Variants in MYO5C observed in about 807,000 individuals in gnomAD.
MYO5C encodes the protein unconventional myosin-Vc.
MYO5C carries 194 observed loss-of-function variants against 235.7 expected under a neutral mutation model. That is an observed-to-expected ratio of 0.82 (90% CI 0.73 to 0.93). The LOEUF is 0.93. Ranked by LOEUF, MYO5C falls within the 40% of genes least tolerant of loss-of-function variation. MYO5C has a pLI of 0.00. For synonymous variants in MYO5C, 707 were observed against 754.8 expected (o/e 0.94, Z 1.04); for missense variants, 2,038 against 2,127.2 (o/e 0.96, Z 0.82).
rs2035984761 is a variant in MYO5C at position 52,232,368 on chromosome 15, A to G, written c.3026+254T>C. On this transcript the variant is annotated intron_variant, in intron 24 of 40. Transcript: ENST00000261839. Reference sequence around the variant, plus strand: ...AGAGAAAGAAAGAAAGGAAAAGAAAAGAAAAGAAAAGAATTCCTGGTGGTC... The same window carrying G: ...AGAGAAAGAAAGAAAGGAAAAGAAAGGAAAAGAAAAGAATTCCTGGTGGTC... Among the ~76,000 whole-genome samples, 4 of 151,956 alleles carry G rather than the reference A, an allele frequency of 2.6e-5. No homozygotes were observed. The South Asian group carries it at 6.2e-4, about 24-fold the overall frequency.
chr15:52,280,695 C>G (rs1404270825), intron 2 of MYO5C, among the ~76,000 whole-genome samples: 1 of 152,222 alleles, frequency 6.6e-6, no homozygotes. Context: ...TGTGCAGACC[C>G]CATGCCAAGC....
Position 52,245,561 on chromosome 15 carries a change from G to T in MYO5C, c.2067-96C>A, listed in dbSNP as rs973923144. 2.1e-5 allele frequency: 18 copies of T among 861,754 alleles called. No homozygotes were observed. In the Admixed American group the frequency reaches 3.1e-4, roughly 15 times the overall value. 53.4% of individuals were successfully genotyped at this position (861,754 alleles called of 1,614,324 possible). On this transcript the variant is annotated intron_variant, in intron 17 of 40. Coordinates refer to ENST00000261839, the MANE Select transcript of MYO5C (RefSeq NM_018728.4). ...TTACCTGCCACTGTTGTCATAGGGC[G>T]GGGGTGGTGCAATCTGTCCTGAGGA...
chr15:52,237,211 G>A (rs775514069), intron 22 of MYO5C: 35 of 290,866 alleles, frequency 1.2e-4, no homozygotes, highest in Non-Finnish European at 2.2e-4. Flanking sequence ...CAGCCAGCCA[G>A]GGCTCTTTGG....
rs755177610 is a variant in MYO5C at position 52,272,725 on chromosome 15, TA to T, written c.607-3del. Reference sequence around the variant, plus strand: ...GGTGGTCTTGGCATTTCCAACGGCCTAAAAAAAATAAGACTCTATTGAAATA... The same window carrying T: ...GGTGGTCTTGGCATTTCCAACGGCCTAAAAAAATAAGACTCTATTGAAATA... On this transcript the variant is annotated splice_region_variant and splice_polypyrimidine_tract_variant and intron_variant, in intron 5 of 40. Coordinates refer to ENST00000261839, the MANE Select transcript of MYO5C (RefSeq NM_018728.4). 57 of 1,607,096 alleles carry T rather than the reference TA, an allele frequency of 3.5e-5. No individual in the cohort carries two copies. Among genetic ancestry groups the T allele is most frequent in the East Asian group, 2.0e-4 (9 of 44,834 alleles).
In MYO5C at chr15:52,196,514, CT is replaced by C. The variant is rs1419598294; in HGVS notation, c.4821-32del. The C allele has an allele frequency of 2.5e-6, 4 of 1,597,330 alleles. No homozygotes were observed. In the Admixed American group the frequency reaches 6.9e-5, roughly 27 times the overall value. On this transcript the variant is annotated intron_variant, in intron 38 of 40. Coordinates refer to ENST00000261839, the MANE Select transcript of MYO5C (RefSeq NM_018728.4). Reference sequence around the variant, plus strand: ...GGGAAAGGCAGAAGAACAGAGAATACTTTAGGGAAGGGTGCCAGATACTCCT... The same window carrying C: ...GGGAAAGGCAGAAGAACAGAGAATACTTAGGGAAGGGTGCCAGATACTCCT...
Position 52,295,693 on chromosome 15 carries a change from G to A in MYO5C, c.-57C>T, listed in dbSNP as rs371802093. On this transcript the variant is annotated 5_prime_UTR_variant, in exon 1 of 41. Coordinates refer to ENST00000261839, the MANE Select transcript of MYO5C (RefSeq NM_018728.4). ...GCCGAACGTGCGAGGCTCGGGGGCT[G>A]GGCCTGCGCCGCAGAGGCCGGGCGC... 80 of 1,249,598 alleles carry A rather than the reference G, an allele frequency of 6.4e-5. 1 individual carries two copies. The Admixed American group carries it at 2.9e-3, about 45-fold the overall frequency. 77.4% of individuals were successfully genotyped at this position (1,249,598 alleles called of 1,614,324 possible).
chr15:52,218,141 A>T (rs2035595196), intron 32 of MYO5C, among the ~76,000 whole-genome samples: 2 of 152,244 alleles, frequency 1.3e-5, no homozygotes, highest in Admixed American at 1.3e-4. Context: ...CCATACCCCC[A>T]GAAGAAAGCA....
intron 2 of MYO5C, among the ~76,000 whole-genome samples, chr15:52,281,725 A>G (rs1566993397): frequency 2.0e-5 from 3 of 152,216 alleles, no homozygotes; most frequent in Non-Finnish European, 4.4e-5. Flanking sequence ...ACGCCAGACC[A>G]TCTGATTCTA....
At chr15:52,275,226 C>T (rs771814182) in intron 5 of MYO5C, among the ~76,000 whole-genome samples, 59 of 152,254 alleles carry the variant, frequency 3.9e-4, no homozygotes, top group Non-Finnish European at 7.3e-4. Flanking sequence ...TAACAATCAG[C>T]TCATGAATGC....
chr15:52,193,602 C>A lies in MYO5C; in HGVS notation c.*300G>T. 1 of 319,422 alleles carries A rather than the reference C, an allele frequency of 3.1e-6. No individual in the cohort carries two copies. The highest frequency in any genetic ancestry group is 5.7e-6 in the Non-Finnish European group (1 of 174,132). The allele number at this position is 319,422 out of a possible 1,614,324, so 19.8% of individuals were successfully genotyped here. A position where few individuals can be genotyped will look rare whatever the true frequency, so the allele number is the denominator to read the frequency against. On this transcript the variant is annotated 3_prime_UTR_variant, in exon 41 of 41. Transcript: ENST00000261839. ...CTCCTGGTAGAGCCCTGCCACAAGA[C>A]AGAACAGATCAAGAGGCACGTGGAA...
At chr15:52,266,794 G>A (rs1303304392) in intron 8 of MYO5C, among the ~76,000 whole-genome samples, 1 of 152,208 alleles carries the variant, frequency 6.6e-6, no homozygotes, top group Non-Finnish European at 1.5e-5. Flanking sequence ...AGAAGTCCCT[G>A]ATGACCTCGT....
At position 52,229,309 on chromosome 15, in the gene MYO5C, G is replaced by A. The variant is rs1338295128; in HGVS notation, c.3031C>T (p.Leu1011Phe). 7 of 1,611,898 alleles carry A rather than the reference G, an allele frequency of 4.3e-6. No individual in the cohort carries two copies. The highest frequency in any genetic ancestry group is 5.1e-6 in the Non-Finnish European group (6 of 1,179,872). The change falls in exon 25 of 41, where the codon CTT becomes TTT. Residue 1011 changes from leucine (L) to phenylalanine (F), a missense_variant. Leu to Phe is a conservative substitution (Grantham distance 22). Coordinates refer to ENST00000261839, the MANE Select transcript of MYO5C (RefSeq NM_018728.4). Reference sequence around the variant, plus strand: ...GTTTTCAGTTCAAAACTTTTTTCAAGAAGCCTACGCAGCAAAAGAAGAAAA... The same window carrying A: ...GTTTTCAGTTCAAAACTTTTTTCAAAAAGCCTACGCAGCAAAAGAAGAAAA... Reference protein sequence around the residue: ...VQKEERQRMLLEKSFELKTQD... With the variant: ...VQKEERQRMLFEKSFELKTQD...
chr15:52,259,419 CA>C (rs11388485), intron 10 of MYO5C, among the ~76,000 whole-genome samples: 10 of 127,402 alleles, frequency 7.8e-5, no homozygotes, highest in Non-Finnish European at 1.1e-4. Flanking sequence ...GACTCCGTCT[CA>C]AAAAAAAAAA....
intron 23 of MYO5C, 80 bp from the exon 24 acceptor site, chr15:52,232,765 G>T: frequency 8.2e-7 from 1 of 1,214,026 alleles, no homozygotes; most frequent in South Asian, 1.2e-5. Context: ...AAGAAAGTGA[G>T]AATGTCAGGA....
Position 52,195,409 on chromosome 15 carries a change from T to G in MYO5C, c.5044A>C (p.Arg1682=), listed in dbSNP as rs1279157622. 1.2e-6 allele frequency: 2 copies of G among 1,613,470 alleles called. No individual in the cohort carries two copies. The highest frequency in any genetic ancestry group is 2.2e-5 in the East Asian group (1 of 44,856). ...TTGCGAACAAAGGATGGAGTCACTC[T>G]CTTCTCAAAGTCATCTATAGGTGTG... ...SYTPIDDFEK[R]VTPSFVRKVQ... The change falls in exon 40 of 41, where the codon AGA becomes CGA. Residue 1682 remains arginine (R), a synonymous_variant. Transcript: ENST00000261839.
chr15:52,241,799 G>A (rs925509874), intron 20 of MYO5C, among the ~76,000 whole-genome samples: 1 of 152,090 alleles, frequency 6.6e-6, no homozygotes, highest in South Asian at 2.1e-4. Flanking sequence ...AGGCTGGAGT[G>A]TACTGGCATG....
chr15:52,260,004 C>T (rs746290176), intron 10 of MYO5C, among the ~76,000 whole-genome samples: 1 of 152,236 alleles, frequency 6.6e-6, no homozygotes, highest in Non-Finnish European at 1.5e-5. Context: ...GTCAATCTTC[C>T]CCTTCTCCTG....
At position 52,242,025 on chromosome 15, in the gene MYO5C, C is replaced by T. The variant is rs761070067; in HGVS notation, c.2556+23G>A. 3 of 1,595,250 alleles carry T rather than the reference C, an allele frequency of 1.9e-6. No individual in the cohort carries two copies. In the African/African-American group the frequency reaches 4.0e-5, roughly 21 times the overall value. The stretch of plus-strand genomic sequence containing the variant: ...AGGAAGGCCCGTACACCCTCCCTTC[C>T]TCTAGACAGAGGTTGGCCTCACCTT... On this transcript the variant is annotated intron_variant, in intron 20 of 40. Transcript: ENST00000261839.
chr15:52,250,242 CT>C (rs926393877), intron 13 of MYO5C, among the ~76,000 whole-genome samples: 2 of 85,686 alleles, frequency 2.3e-5, no homozygotes, highest in Non-Finnish European at 4.2e-5. Context: ...TTTTCTTTTT[CT>C]TTTTCTTTTT....
Sources: gnomAD v4.1 joint callset for allele counts (sites outside exome capture counted in the v4.1 genomes callset) on GRCh38, gnomAD v4.1.1 for gene constraint, MANE v1.5 for transcripts, NCBI Gene and HGNC (gene_info 2026-07-23, HGNC 2026-07-21) for gene names.